Variants in HTR2A observed in about 807,000 individuals in gnomAD.
HTR2A encodes the protein 5-hydroxytryptamine receptor 2A.
A neutral mutation model predicts 31.0 loss-of-function variants in HTR2A; 14 were observed. That is an observed-to-expected ratio of 0.45 (90% CI 0.30 to 0.71). The LOEUF (loss-of-function observed/expected upper bound fraction) is 0.71. Among genes scored for constraint, HTR2A ranks in the 30% least tolerant of loss-of-function variants. HTR2A has a pLI of 0.09. For missense variants in HTR2A, 442 were observed against 573.3 expected (o/e 0.77, Z 2.34); for synonymous variants, 209 against 225.2 (o/e 0.93, Z 0.64).
intron 3 of HTR2A, among the ~76,000 whole-genome samples, chr13:46,882,176 A>G (rs1012926223): frequency 6.6e-6 from 1 of 151,962 alleles, no homozygotes; most frequent in African/African-American, 2.4e-5. Context: ...GTTTTTGGGA[A>G]ATTAGAGGCT....
intron 3 of HTR2A, among the ~76,000 whole-genome samples, chr13:46,879,821 A>G (rs188473410): frequency 7.4e-4 from 113 of 152,280 alleles, no homozygotes; most frequent in African/African-American, 2.5e-3. Context: ...CCTGGGCAAC[A>G]CATTGAAAGC....
At chr13:46,841,526 C>T (rs1403232259) in intron 3 of HTR2A, among the ~76,000 whole-genome samples, 3 of 151,910 alleles carry the variant, frequency 2.0e-5, no homozygotes, top group East Asian at 3.9e-4. Context: ...GCCTCATTCT[C>T]GGGGGTTCTG....
At chr13:46,887,711 G>A (rs1951018509) in intron 3 of HTR2A, among the ~76,000 whole-genome samples, 1 of 152,054 alleles carries the variant, frequency 6.6e-6, no homozygotes, top group Non-Finnish European at 1.5e-5. Context: ...ACAAGAGATG[G>A]GTCTTAGGCA....
In HTR2A at chr13:46,895,323, T is replaced by C. The variant is rs1325600693; in HGVS notation, c.412+172A>G. ...CAGGTCATAGACTGTCTGATTTTTA[T>C]GTGAAATCCCATTTTAAGAGTAAAA... On this transcript the variant is annotated intron_variant, in intron 2 of 3. Transcript: ENST00000542664. The surrounding 1 kb of genome is among the most constrained non-coding windows in gnomAD (Gnocchi z 4.4). The C allele has an allele frequency of 1.6e-6, 1 of 627,664 alleles. No homozygotes were observed. The highest frequency in any genetic ancestry group is 2.7e-6 in the Non-Finnish European group (1 of 369,002). The allele number at this position is 627,664 out of a possible 1,614,324, so 38.9% of individuals were successfully genotyped here.
At chr13:46,855,299 A>G (rs528582679) in intron 3 of HTR2A, among the ~76,000 whole-genome samples, 75 of 152,288 alleles carry the variant, frequency 4.9e-4, no homozygotes, top group Admixed American at 4.7e-3. Context: ...GATTGCTCAA[A>G]CTCAAGGGAA....
At chr13:46,882,601 C>T (rs1773695542) in intron 3 of HTR2A, among the ~76,000 whole-genome samples, 1 of 152,100 alleles carries the variant, frequency 6.6e-6, no homozygotes, top group African/African-American at 2.4e-5. Flanking sequence ...ATAAATGAGA[C>T]TCCATAAATC....
chr13:46,869,481 G>A (rs560651892), intron 3 of HTR2A, among the ~76,000 whole-genome samples: 1 of 152,220 alleles, frequency 6.6e-6, no homozygotes, highest in Admixed American at 6.5e-5. Flanking sequence ...TGGCGGAAGT[G>A]TAAAATCACA....
chr13:46,884,878 A>G (rs1177179403), intron 3 of HTR2A, among the ~76,000 whole-genome samples: 1 of 152,132 alleles, frequency 6.6e-6, no homozygotes, highest in Admixed American at 6.5e-5. Context: ...TTAGTTTACC[A>G]GAATGAGCTC....
At chr13:46,857,616 A>G (rs560740984) in intron 3 of HTR2A, among the ~76,000 whole-genome samples, 71 of 152,188 alleles carry the variant, frequency 4.7e-4, no homozygotes, top group Non-Finnish European at 8.1e-4. Flanking sequence ...CATAGTAAGT[A>G]GGGAGGGGCA....
intron 3 of HTR2A, among the ~76,000 whole-genome samples, chr13:46,858,600 TGAACTG>T (rs1397591744): frequency 2.6e-5 from 4 of 152,202 alleles, no homozygotes; most frequent in South Asian, 2.1e-4. Context: ...GGCATGAGTG[TGAACTG>T]GAAATGGAAA....
At position 46,896,943 on chromosome 13, in the gene HTR2A, A is replaced by G. The variant is rs1951110629; in HGVS notation, c.-598T>C. 1 of 869,312 alleles carries G rather than the reference A, an allele frequency of 1.2e-6. No individual in the cohort carries two copies. Among genetic ancestry groups the G allele is most frequent in the Admixed American group, 2.8e-5 (1 of 35,132 alleles). 53.8% of individuals were successfully genotyped at this position (869,312 alleles called of 1,614,324 possible). On this transcript the variant is annotated 5_prime_UTR_variant, in exon 1 of 4. Coordinates refer to ENST00000542664, the MANE Select transcript of HTR2A (RefSeq NM_000621.5). Reference sequence around the variant, plus strand: ...GGCTCGCCTCAGCAGGCACACATTTAGAAATCATTCACGAGCCCCTCAAAG... The same window carrying G: ...GGCTCGCCTCAGCAGGCACACATTTGGAAATCATTCACGAGCCCCTCAAAG...
Position 46,834,114 on chromosome 13 carries a change from C to G in HTR2A, c.*723G>C, listed in dbSNP as rs148625875. 6.5e-6 allele frequency: 1 copy of G among 152,756 alleles called. No homozygotes were observed. The highest frequency in any genetic ancestry group is 1.9e-4 in the East Asian group (1 of 5,194). 9.5% of individuals were successfully genotyped at this position (152,756 alleles called of 1,614,324 possible). A position where few individuals can be genotyped will look rare whatever the true frequency, so the allele number is the denominator to read the frequency against. On this transcript the variant is annotated 3_prime_UTR_variant, in exon 4 of 4. Transcript: ENST00000542664. Reference sequence around the variant, plus strand: ...GAGGAACAAATATTAAACAAGACCACACTGGAAATTCAGAGTAAAGCACAA... The same window carrying G: ...GAGGAACAAATATTAAACAAGACCAGACTGGAAATTCAGAGTAAAGCACAA...
intron 1 of HTR2A, 121 bp from the exon 2 acceptor site, chr13:46,896,355 A>C (rs931234059): frequency 3.5e-5 from 17 of 481,672 alleles, no homozygotes; most frequent in Non-Finnish European, 4.8e-5. Context: ...TGCAATCAGA[A>C]ACAGTGGGGA....
At chr13:46,835,700 C>A in intron 3 of HTR2A, 61 bp from the exon 4 acceptor site, 2 of 1,223,420 alleles carry the variant, frequency 1.6e-6, no homozygotes, top group Non-Finnish European at 1.2e-6. Flanking sequence ...AAGGCAAGAG[C>A]ATCATCACAT....
rs145612976 is a variant in HTR2A, at chr13:46,872,984, G to A, written c.613+19406C>T. ...CAGCTCACTGAAACCTCCGCCTCCC[G>A]GTTCAAGTGATTCTTCTGCCTCAGT... On this transcript the variant is annotated intron_variant, in intron 3 of 3. Coordinates refer to ENST00000542664, the MANE Select transcript of HTR2A (RefSeq NM_000621.5). Among the ~76,000 whole-genome samples, 9 of 152,200 alleles carry A rather than the reference G, an allele frequency of 5.9e-5. No individual in the cohort carries two copies. The East Asian group carries it at 1.7e-3, about 29-fold the overall frequency.
rs1383201166 is a variant in HTR2A, at chr13:46,833,568, G to A, written c.*1269C>T. 1.3e-5 allele frequency: 2 copies of A among 151,958 alleles called. No individual in the cohort carries two copies. Among genetic ancestry groups the A allele is most frequent in the African/African-American group, 2.4e-5 (1 of 41,364 alleles). The allele number at this position is 151,958 out of a possible 1,614,324, so 9.4% of individuals were successfully genotyped here. On this transcript the variant is annotated 3_prime_UTR_variant, in exon 4 of 4. Coordinates refer to ENST00000542664, the MANE Select transcript of HTR2A (RefSeq NM_000621.5). ...TGTAGAGACAGGGAGGTCTCACTTTGTTACCCAGGTTGGTCTCAAACTCTT... is the reference window on the plus strand; with the variant it reads ...TGTAGAGACAGGGAGGTCTCACTTTATTACCCAGGTTGGTCTCAAACTCTT...
At chr13:46,844,474 T>A (rs562724450) in intron 3 of HTR2A, among the ~76,000 whole-genome samples, 1 of 152,280 alleles carries the variant, frequency 6.6e-6, no homozygotes, top group East Asian at 1.9e-4. Flanking sequence ...ATTCGTACAC[T>A]CTTTTAAGGG....
chr13:46,871,060 T>C (rs1212938593), intron 3 of HTR2A, among the ~76,000 whole-genome samples: 1 of 152,138 alleles, frequency 6.6e-6, no homozygotes, highest in East Asian at 1.9e-4. Flanking sequence ...TCATCTATCC[T>C]CAAACTCCAC....
At chr13:46,897,364 AC>A (rs1951112901), upstream of HTR2A, among the ~76,000 whole-genome samples, 1 of 152,196 alleles carries the variant, frequency 6.6e-6, no homozygotes, top group Non-Finnish European at 1.5e-5. Context: ...TCCAAAGCCA[AC>A]AGTGTTTGTG....
Sources: allele counts gnomAD v4.1 joint callset (sites outside exome capture counted in the v4.1 genomes callset), GRCh38; gene constraint gnomAD v4.1.1; non-coding constraint Gnocchi (gnomAD v3.1); transcripts MANE v1.5; gene names NCBI Gene and HGNC (gene_info 2026-07-23, HGNC 2026-07-21).